The following ZNF675 variants were observed in gnomAD, a reference collection of about 807,000 sequenced individuals.
The protein encoded by ZNF675 is zinc finger protein 675.
In ZNF675, 36 loss-of-function variants were observed where a neutral mutation model predicts 56.1. The observed-to-expected ratio is 0.64, with a 90% CI of 0.49 to 0.85. The LOEUF is 0.85. Ranked by LOEUF, ZNF675 falls within the 40% of genes least tolerant of loss-of-function variation. The pLI, the probability that ZNF675 is intolerant of heterozygous loss-of-function variation, is 0.00. For synonymous variants in ZNF675, 200 were observed against 218.9 expected (o/e 0.91, Z 0.76); for missense variants, 663 against 654.2 (o/e 1.01, Z -0.15).
chr19:23,667,304 G>A (rs1968165834), intron 1 of ZNF675, among the ~76,000 whole-genome samples: 1 of 152,132 alleles, frequency 6.6e-6, no homozygotes, highest in African/African-American at 2.4e-5. Flanking sequence ...AGAGTGAGCA[G>A]TAGCAAGATT....
intron 3 of ZNF675, among the ~76,000 whole-genome samples, chr19:23,660,955 G>A (rs1402487387): frequency 3.4e-5 from 5 of 146,596 alleles, no homozygotes; most frequent in Non-Finnish European, 5.9e-5. Flanking sequence ...TTTTGAGACG[G>A]AGTCCCACTC....
Position 23,663,169 on chromosome 19 carries a change from C to A in ZNF675, c.4-11G>T. On this transcript the variant is annotated splice_polypyrimidine_tract_variant and intron_variant, in intron 1 of 3. Transcript: ENST00000359788. ...AAATGTCAACAGTCCCTGAAAAACACATACACACAAACATATTCACCAGGT... is the reference window on the plus strand; with the variant it reads ...AAATGTCAACAGTCCCTGAAAAACAAATACACACAAACATATTCACCAGGT... 6.3e-7 allele frequency: 1 copy of A among 1,597,418 alleles called. No individual in the cohort carries two copies. The highest frequency in any genetic ancestry group is 8.5e-7 in the Non-Finnish European group (1 of 1,172,784).
intron 1 of ZNF675, among the ~76,000 whole-genome samples, chr19:23,678,548 G>A (rs1184665826): frequency 7.1e-6 from 1 of 140,104 alleles, no homozygotes; most frequent in African/African-American, 2.7e-5. Context: ...ACCACACCTG[G>A]CCTCAAAAAT....
chr19:23,659,903 G>A (rs1310956715), intron 3 of ZNF675, among the ~76,000 whole-genome samples: 1 of 152,096 alleles, frequency 6.6e-6, no homozygotes, highest in South Asian at 2.1e-4. Flanking sequence ...GTTCCAGCTC[G>A]CTGAGCCACA....
chr19:23,682,635 G>T (rs1169471064), intron 1 of ZNF675, among the ~76,000 whole-genome samples: 1 of 151,772 alleles, frequency 6.6e-6, no homozygotes, highest in South Asian at 2.1e-4. Context: ...TCCCCAGAAA[G>T]AACTAACTGG....
rs751101122 is a variant in ZNF675, at chr19:23,653,132, A to G, written c.*94T>C. The G allele has an allele frequency of 3.1e-5, 37 of 1,191,380 alleles. No homozygotes were observed. Among genetic ancestry groups the G allele is most frequent in the South Asian group, 1.1e-4 (7 of 61,838 alleles). 73.8% of individuals were successfully genotyped at this position (1,191,380 alleles called of 1,614,324 possible). A position where few individuals can be genotyped will look rare whatever the true frequency, so the allele number is the denominator to read the frequency against. ...ATACAATGAAGTGTGAAAACCATTT[A>G]AAGTCTTTGACACATTCTTTACATT... On this transcript the variant is annotated 3_prime_UTR_variant, in exon 4 of 4. Coordinates refer to ENST00000359788, the MANE Select transcript of ZNF675 (RefSeq NM_138330.3).
rs1967929126 is a variant in ZNF675 at position 23,652,807 on chromosome 19, T to C, written c.*419A>G. Reference sequence around the variant, plus strand: ...TGATAAGCTTTATGATACCAGTAAATGTACTACAACCCTCTTTATGTTTGT... The same window carrying C: ...TGATAAGCTTTATGATACCAGTAAACGTACTACAACCCTCTTTATGTTTGT... On this transcript the variant is annotated 3_prime_UTR_variant, in exon 4 of 4. Coordinates refer to ENST00000359788, the MANE Select transcript of ZNF675 (RefSeq NM_138330.3). The C allele has an allele frequency of 6.3e-6, 1 of 157,542 alleles. No individual in the cohort carries two copies. The highest frequency in any genetic ancestry group is 2.4e-5 in the African/African-American group (1 of 41,508). The allele number at this position is 157,542 out of a possible 1,614,324, so 9.8% of individuals were successfully genotyped here. A position where few individuals can be genotyped will look rare whatever the true frequency, so the allele number is the denominator to read the frequency against.
At chr19:23,661,928 C>A in intron 3 of ZNF675, 186 bp downstream of exon 3, 1 of 510,240 alleles carries the variant, frequency 2.0e-6, no homozygotes. Flanking sequence ...AAACAGAAAC[C>A]TTAGAGAATT....
chr19:23,679,215 A>C (rs1319151769), intron 1 of ZNF675, among the ~76,000 whole-genome samples: 2 of 151,126 alleles, frequency 1.3e-5, no homozygotes, highest in East Asian at 3.8e-4. Flanking sequence ...ATATTTAAAT[A>C]ATCTTATTAA....
chr19:23,664,899 T>C (rs190323652), intron 1 of ZNF675, among the ~76,000 whole-genome samples: 14 of 152,000 alleles, frequency 9.2e-5, no homozygotes, highest in Non-Finnish European at 1.6e-4. Flanking sequence ...TGCAGTAACC[T>C]CAGGTCGCAC....
intron 1 of ZNF675, among the ~76,000 whole-genome samples, chr19:23,685,444 C>T (rs2144803455): frequency 6.6e-6 from 1 of 152,284 alleles, no homozygotes; most frequent in South Asian, 2.1e-4. Flanking sequence ...TTGGTTTATT[C>T]ACAGAAACTA....
intron 1 of ZNF675, among the ~76,000 whole-genome samples, chr19:23,667,085 G>A (rs531660312): frequency 1.3e-5 from 2 of 152,156 alleles, no homozygotes; most frequent in African/African-American, 4.8e-5. Flanking sequence ...GTTCAGATGT[G>A]TTCGGAGTTT....
In ZNF675 at chr19:23,653,682, A is replaced by T; in HGVS notation, c.1251T>A (p.Ile417=). 1 of 1,613,770 alleles carries T rather than the reference A, an allele frequency of 6.2e-7. No homozygotes were observed. Among genetic ancestry groups the T allele is most frequent in the East Asian group, 2.2e-5 (1 of 44,846 alleles). The change falls in exon 4 of 4, where the codon ATT becomes ATA. Residue 417 remains isoleucine (I), a synonymous_variant. Transcript: ENST00000359788. ...HSSALTTHKR[I]HTGEKPYKCE... ...ATTTGTAGGGTTTCTCTCCAGTGTG[A>T]ATTCTCTTATGTGTAGTAAGGGCTG...
intron 1 of ZNF675, among the ~76,000 whole-genome samples, chr19:23,663,961 A>C (rs1204033918): frequency 6.6e-6 from 1 of 152,190 alleles, no homozygotes; most frequent in Non-Finnish European, 1.5e-5. Context: ...GCAGATTATA[A>C]AATAATCGTG....
At chr19:23,654,741 A>G in intron 3 of ZNF675, 35 bp from the exon 4 acceptor site, 1 of 1,464,616 alleles carries the variant, frequency 6.8e-7, no homozygotes, top group Non-Finnish European at 9.1e-7. Flanking sequence ...TACTTTACAG[A>G]CTCAGATAAA....
chr19:23,660,307 A>G (rs1379298552), intron 3 of ZNF675, among the ~76,000 whole-genome samples: 1 of 152,176 alleles, frequency 6.6e-6, no homozygotes, highest in Non-Finnish European at 1.5e-5. Flanking sequence ...CCTTCTGTAC[A>G]CAGATGCCAA....
intron 1 of ZNF675, among the ~76,000 whole-genome samples, chr19:23,663,427 C>G (rs1483636134): frequency 6.6e-6 from 1 of 152,212 alleles, no homozygotes; most frequent in Non-Finnish European, 1.5e-5. Flanking sequence ...CACAGTGGCT[C>G]ATGCCTTTAA....
intron 1 of ZNF675, among the ~76,000 whole-genome samples, chr19:23,682,602 G>A (rs1433115149): frequency 6.6e-6 from 1 of 151,694 alleles, no homozygotes; most frequent in African/African-American, 2.4e-5. Context: ...GGGTGAGCAG[G>A]CTGACATATC....
At chr19:23,673,933 T>C (rs1428272168) in intron 1 of ZNF675, among the ~76,000 whole-genome samples, 1 of 151,878 alleles carries the variant, frequency 6.6e-6, no homozygotes, top group Non-Finnish European at 1.5e-5. Context: ...CCGGGAACAG[T>C]GGCTCACGCC....
Sources: gnomAD v4.1 joint callset for allele counts (sites outside exome capture counted in the v4.1 genomes callset) on GRCh38, gnomAD v4.1.1 for gene constraint, MANE v1.5 for transcripts, NCBI Gene and HGNC (gene_info 2026-07-23, HGNC 2026-07-21) for gene names.